MCM6: variants seen among roughly 807,000 people sequenced by gnomAD.
MCM6 encodes the protein minichromosome maintenance complex component 6.
Under a neutral mutation model 94.3 loss-of-function variants are expected in MCM6, and 46 were observed. The observed-to-expected ratio is 0.49, with a 90% CI of 0.39 to 0.62. MCM6 has a LOEUF of 0.62. Among genes scored for constraint, MCM6 ranks in the 20% least tolerant of loss-of-function variants. The pLI, the probability that MCM6 is intolerant of heterozygous loss-of-function variation, is 0.00. For synonymous variants in MCM6, 335 were observed against 351.9 expected (o/e 0.95, Z 0.54); for missense variants, 865 against 1,017.9 (o/e 0.85, Z 2.04).
chr2:135,850,919 G>A (rs56112454), intron 13 of MCM6, among the ~76,000 whole-genome samples: 3 of 152,184 alleles, frequency 2.0e-5, no homozygotes, highest in Admixed American at 6.5e-5. Context: ...TGGTTGAAGC[G>A]AAGATGGGAC....
chr2:135,866,396 A>C (rs1558762183), intron 5 of MCM6, 119 bp from the exon 6 acceptor site: 3 of 1,410,658 alleles, frequency 2.1e-6, no homozygotes, highest in Non-Finnish European at 1.9e-6. Flanking sequence ...GAATACTTTC[A>C]GAATAGCACC....
At chr2:135,848,285 TCA>T (rs2105574671) in intron 13 of MCM6, 97 bp from the exon 14 acceptor site, 1 of 796,670 alleles carries the variant, frequency 1.3e-6, no homozygotes, top group African/African-American at 1.7e-5. Flanking sequence ...TTTGGTTTTC[TCA>T]CAAACACACA....
At chr2:135,865,345 T>A (rs2105588255) in intron 6 of MCM6, among the ~76,000 whole-genome samples, 182 bp from the exon 7 acceptor site, 1 of 152,230 alleles carries the variant, frequency 6.6e-6, no homozygotes, top group Non-Finnish European at 1.5e-5. Context: ...CAAAGACACT[T>A]AAGGGTATGT....
At position 135,866,436 on chromosome 2, in the gene MCM6, C is replaced by T. The variant is rs558028832; in HGVS notation, c.781+127G>A. 16 of 1,396,732 alleles carry T rather than the reference C, an allele frequency of 1.1e-5. No homozygotes were observed. In the East Asian group the frequency reaches 1.4e-4, roughly 12 times the overall value. The allele number at this position is 1,396,732 out of a possible 1,614,324, so 86.5% of individuals were successfully genotyped here. A position where few individuals can be genotyped will look rare whatever the true frequency, so the allele number is the denominator to read the frequency against. Reference sequence around the variant, plus strand: ...GTGGCAAAACCAATTTGTTTTTATTCTCATCACACTTCGTTCCTCAGCTTC... The same window carrying T: ...GTGGCAAAACCAATTTGTTTTTATTTTCATCACACTTCGTTCCTCAGCTTC... On this transcript the variant is annotated intron_variant, in intron 5 of 16. Coordinates refer to ENST00000264156, the MANE Select transcript of MCM6 (RefSeq NM_005915.6).
At chr2:135,873,930 G>C (rs901234242) in intron 1 of MCM6, among the ~76,000 whole-genome samples, 5 of 152,320 alleles carry the variant, frequency 3.3e-5, no homozygotes, top group African/African-American at 1.2e-4. Context: ...GTGGTGAAGT[G>C]ACTGACTAGA....
Position 135,840,782 on chromosome 2 carries a change from C to A in MCM6, c.*53G>T, listed in dbSNP as rs1575355516. 1 of 1,257,660 alleles carries A rather than the reference C, an allele frequency of 8.0e-7. No individual in the cohort carries two copies. Among genetic ancestry groups the A allele is most frequent in the Non-Finnish European group, 1.2e-6 (1 of 856,884 alleles). 77.9% of individuals were successfully genotyped at this position (1,257,660 alleles called of 1,614,324 possible). A position where few individuals can be genotyped will look rare whatever the true frequency, so the allele number is the denominator to read the frequency against. On this transcript the variant is annotated 3_prime_UTR_variant, in exon 17 of 17. Transcript: ENST00000264156. ...AGCAGAGCTCCAGCCAGGCTCCAGG[C>A]CACGAGGTGCTGTGCCACAGTTCCT... is the stretch of plus-strand genomic sequence containing the variant.
chr2:135,867,252 A>AT (rs1455742212), intron 4 of MCM6, among the ~76,000 whole-genome samples: 1 of 152,208 alleles, frequency 6.6e-6, no homozygotes, highest in Non-Finnish European at 1.5e-5. Context: ...TCCTGTTACA[A>AT]TATCATTATC....
chr2:135,865,521 C>G (rs966020590), intron 6 of MCM6, among the ~76,000 whole-genome samples: 1 of 152,210 alleles, frequency 6.6e-6, no homozygotes, highest in African/African-American at 2.4e-5. Flanking sequence ...ATTTATGACA[C>G]AGAATCAAGT....
chr2:135,864,685 A>G (rs1198205167), intron 7 of MCM6, among the ~76,000 whole-genome samples: 1 of 152,248 alleles, frequency 6.6e-6, no homozygotes, highest in Non-Finnish European at 1.5e-5. Context: ...GTTCAGTGGC[A>G]GTAAGTACAT....
chr2:135,873,835 T>TA (rs3835798), intron 1 of MCM6, among the ~76,000 whole-genome samples: 3 of 152,148 alleles, frequency 2.0e-5, no homozygotes, highest in East Asian at 3.9e-4. Flanking sequence ...TAATTCTGCC[T>TA]AAAAAAACAA....
chr2:135,866,980 AC>A (rs1558762435), intron 4 of MCM6, among the ~76,000 whole-genome samples: 1 of 151,924 alleles, frequency 6.6e-6, no homozygotes, highest in African/African-American at 2.4e-5. Context: ...GAAAAAAAAA[AC>A]TTCACTTTTA....
At chr2:135,848,824 G>A (rs1679715579) in intron 13 of MCM6, among the ~76,000 whole-genome samples, 1 of 152,128 alleles carries the variant, frequency 6.6e-6, no homozygotes, top group Non-Finnish European at 1.5e-5. Flanking sequence ...GGCAGAGGTT[G>A]CAGTGAGCCG....
chr2:135,860,309 T>C (rs1365160768), intron 8 of MCM6, among the ~76,000 whole-genome samples: 1 of 151,682 alleles, frequency 6.6e-6, no homozygotes, highest in Non-Finnish European at 1.5e-5. Flanking sequence ...ATTTTTTTTG[T>C]ATTTTTAGTA....
In MCM6 at chr2:135,847,686, CCCAGGTAGCTGGGGCTACA is replaced by C. The variant is rs552818690; in HGVS notation, c.2053+348_2053+366del. ...TCAAGTGATTCTCCTGCCTCAGCCT[CCCAGGTAGCTGGGGCTACA>C]GGCAGCCGCCACCACGCCTGGCTAA... On this transcript the variant is annotated intron_variant, in intron 14 of 16. Transcript: ENST00000264156. 4.5e-3 allele frequency among the ~76,000 whole-genome samples: 679 copies of C among 152,284 alleles called. 7 individuals are homozygous for C. Among genetic ancestry groups the C allele is most frequent in the African/African-American group, 0.015 (631 of 41,568 alleles).
At chr2:135,850,545 A>G (rs1679761483) in intron 13 of MCM6, among the ~76,000 whole-genome samples, 1 of 152,208 alleles carries the variant, frequency 6.6e-6, no homozygotes, top group Non-Finnish European at 1.5e-5. Context: ...TAAATAACCT[A>G]GTGTGAAAGT....
intron 6 of MCM6, 107 bp downstream of exon 6, chr2:135,866,025 C>G: frequency 1.6e-6 from 2 of 1,263,868 alleles, no homozygotes; most frequent in Non-Finnish European, 2.2e-6. Flanking sequence ...TCACTTGAGC[C>G]CAGAAAGTGG....
At chr2:135,858,675 G>GATATAACTATCTT (rs1679934668) in intron 9 of MCM6, among the ~76,000 whole-genome samples, 1 of 152,102 alleles carries the variant, frequency 6.6e-6, no homozygotes, top group African/African-American at 2.4e-5. Flanking sequence ...TTAAAACTAA[G>GATATAACTATCTT]AGCATAACTA....
At chr2:135,876,004 G>A (rs984771349) in intron 1 of MCM6, among the ~76,000 whole-genome samples, 1 of 152,230 alleles carries the variant, frequency 6.6e-6, no homozygotes, top group African/African-American at 2.4e-5. Context: ...AGCATCAAGT[G>A]ACAGAAGCAA....
At position 135,856,808 on chromosome 2, in the gene MCM6, A is replaced by G. The variant is rs1289924035; in HGVS notation, c.1546T>C (p.Leu516=). ...ISGHYDRSKS[L]KQNINLSAPI... ...GCTGACAAATTTATATTCTGTTTCA[A>G]TGATTTTGATCTGTCATAGTGTCCA... The change falls in exon 11 of 17, where the codon TTG becomes CTG. Residue 516 remains leucine, a synonymous_variant. Transcript: ENST00000264156. The G allele has an allele frequency of 6.2e-7, 1 of 1,614,206 alleles. No homozygotes were observed. The highest frequency in any genetic ancestry group is 1.1e-5 in the South Asian group (1 of 91,086).
Sources: gnomAD v4.1 joint callset for allele counts (sites outside exome capture counted in the v4.1 genomes callset) on GRCh38, gnomAD v4.1.1 for gene constraint, MANE v1.5 for transcripts, NCBI Gene and HGNC (gene_info 2026-07-23, HGNC 2026-07-21) for gene names.